The following ARHGAP6 variants were observed in gnomAD, a reference collection of about 807,000 sequenced individuals.
The protein encoded by ARHGAP6 is Rho GTPase activating protein 6.
In ARHGAP6, 16 loss-of-function variants were observed where a neutral mutation model predicts 55.7. The observed-to-expected ratio is 0.29, with a 90% CI of 0.19 to 0.44. ARHGAP6 has a LOEUF of 0.44. Ranked by LOEUF, ARHGAP6 falls within the 20% of genes least tolerant of loss-of-function variation. ARHGAP6 has a pLI of 1.00. For synonymous variants in ARHGAP6, 382 were observed against 360.9 expected (o/e 1.06, Z -0.66); for missense variants, 698 against 808.9 (o/e 0.86, Z 1.66).
chrX:11,615,255 T>C (rs2052150054), intron 1 of ARHGAP6, among the ~76,000 whole-genome samples: 1 of 111,673 alleles, frequency 9.0e-6, no homozygotes, highest in African/African-American at 3.3e-5. Flanking sequence ...AACCTTCTCT[T>C]TGCATTCTCC....
At chrX:11,185,784 A>C (rs985924556) in intron 5 of ARHGAP6, among the ~76,000 whole-genome samples, 11 of 112,309 alleles carry the variant, frequency 9.8e-5, no homozygotes, top group African/African-American at 3.6e-4. Flanking sequence ...GTTGTCAAAA[A>C]TGATGTATTT....
At chrX:11,521,506 C>T (rs146821136) in intron 1 of ARHGAP6, among the ~76,000 whole-genome samples, 1,763 of 111,600 alleles carry the variant, frequency 0.016, 33 homozygotes, top group African/African-American at 0.055. Context: ...TGTTCTGTTC[C>T]ATTGGTCTGT....
chrX:11,240,436 GA>G (rs2047259821), intron 2 of ARHGAP6, among the ~76,000 whole-genome samples: 1 of 112,252 alleles, frequency 8.9e-6, no homozygotes. Flanking sequence ...AACCTGGGAT[GA>G]ATCCCAGAGA....
rs775489487 is a variant in ARHGAP6, at chrX:11,664,464, T to C, written c.365A>G (p.Tyr122Cys). Reference protein sequence around the residue: ...KSPSGSFHFDYEVPLGRGGLK... With the variant: ...KSPSGSFHFDCEVPLGRGGLK... Reference sequence around the variant, plus strand: ...GCCGCCGCGACCCAGGGGAACCTCATAGTCAAAGTGAAAGCTGCCGGATGG... The same window carrying C: ...GCCGCCGCGACCCAGGGGAACCTCACAGTCAAAGTGAAAGCTGCCGGATGG... The change falls in exon 1 of 13, where the codon TAT (tyrosine) becomes TGT (cysteine). Residue 122 changes from tyrosine (Y) to cysteine (C), a missense_variant. Transcript: ENST00000337414. 1.7e-6 allele frequency: 2 copies of C among 1,210,820 alleles called. No individual in the cohort carries two copies. Among genetic ancestry groups the C allele is most frequent in the East Asian group, 3.0e-5 (1 of 33,806 alleles).
intron 1 of ARHGAP6, among the ~76,000 whole-genome samples, chrX:11,541,474 A>G (rs1234872702): frequency 9.0e-6 from 1 of 111,695 alleles, no homozygotes; most frequent in Non-Finnish European, 1.9e-5. Context: ...TGAGTTGTTT[A>G]CCATCCCTAG....
At chrX:11,161,161 C>T (rs1372236946) in intron 9 of ARHGAP6, among the ~76,000 whole-genome samples, 1 of 112,134 alleles carries the variant, frequency 8.9e-6, no homozygotes, top group African/African-American at 3.2e-5. Context: ...TACAACAGCA[C>T]CCAGTACTGT....
intron 1 of ARHGAP6, among the ~76,000 whole-genome samples, chrX:11,373,721 A>G (rs1439356365): frequency 8.9e-6 from 1 of 112,049 alleles, no homozygotes; most frequent in Non-Finnish European, 1.9e-5. Flanking sequence ...ACTCCTAGGC[A>G]GGGTGGGCAT....
intron 10 of ARHGAP6, among the ~76,000 whole-genome samples, chrX:11,155,893 C>A (rs1389076126): frequency 8.9e-6 from 1 of 112,538 alleles, no homozygotes; most frequent in African/African-American, 3.2e-5. Flanking sequence ...CTGACTAATG[C>A]AAAAACTCTG....
At chrX:11,275,746 C>T (rs1180087032) in intron 1 of ARHGAP6, among the ~76,000 whole-genome samples, 1 of 111,680 alleles carries the variant, frequency 9.0e-6, no homozygotes, top group African/African-American at 3.3e-5. Context: ...TCACTTACTT[C>T]ACATCCCTTA....
At chrX:11,244,515 G>A (rs190300975) in intron 2 of ARHGAP6, among the ~76,000 whole-genome samples, 229 of 111,903 alleles carry the variant, frequency 2.0e-3, no homozygotes, top group Non-Finnish European at 3.0e-3. Flanking sequence ...AATCTTGAGG[G>A]CTTGATTCCA....
chrX:11,282,564 C>T (rs1031449928), intron 1 of ARHGAP6, among the ~76,000 whole-genome samples: 1 of 112,261 alleles, frequency 8.9e-6, no homozygotes, highest in Non-Finnish European at 1.9e-5. Context: ...CAGTAAAGGT[C>T]TGGCAGATGT....
At chrX:11,505,520 A>G (rs1384358833) in intron 1 of ARHGAP6, among the ~76,000 whole-genome samples, 2 of 111,331 alleles carry the variant, frequency 1.8e-5, no homozygotes, top group Non-Finnish European at 3.8e-5. Context: ...AAACAGAACC[A>G]ACGTTCAACC....
At chrX:11,287,932 G>A (rs2047941311) in intron 1 of ARHGAP6, among the ~76,000 whole-genome samples, 1 of 112,600 alleles carries the variant, frequency 8.9e-6, no homozygotes, top group African/African-American at 3.2e-5. Context: ...CACACCAGCA[G>A]TGCTGGGTTC....
chrX:11,413,704 A>AGTCT (rs1313591571), intron 1 of ARHGAP6, among the ~76,000 whole-genome samples: 1 of 112,480 alleles, frequency 8.9e-6, no homozygotes, highest in South Asian at 3.7e-4. Flanking sequence ...TCTGAGTTTA[A>AGTCT]GTCTCCCTTT....
At chrX:11,574,832 G>A (rs757746898) in intron 1 of ARHGAP6, among the ~76,000 whole-genome samples, 2 of 110,423 alleles carry the variant, frequency 1.8e-5, no homozygotes, top group African/African-American at 6.6e-5. Context: ...AAACCCCATT[G>A]TCTCAGCCCA....
At chrX:11,640,076 C>G (rs1241693470) in intron 1 of ARHGAP6, among the ~76,000 whole-genome samples, 2 of 111,502 alleles carry the variant, frequency 1.8e-5, no homozygotes, top group Non-Finnish European at 3.8e-5. Flanking sequence ...CTCTTTTATT[C>G]AATGTGTTCT....
chrX:11,515,263 G>T (rs2050826750), intron 1 of ARHGAP6, among the ~76,000 whole-genome samples: 1 of 112,110 alleles, frequency 8.9e-6, no homozygotes, highest in Non-Finnish European at 1.9e-5. Flanking sequence ...AACTTTCTTG[G>T]AAAGTAAAAG....
At chrX:11,163,655 G>A (rs1340668731) in intron 9 of ARHGAP6, among the ~76,000 whole-genome samples, 1 of 112,620 alleles carries the variant, frequency 8.9e-6, no homozygotes, top group Non-Finnish European at 1.9e-5. Flanking sequence ...ACAAGGACAG[G>A]CCCAGCTTAG....
At chrX:11,205,399 A>G (rs1389457633) in intron 2 of ARHGAP6, among the ~76,000 whole-genome samples, 1 of 111,505 alleles carries the variant, frequency 9.0e-6, no homozygotes. Flanking sequence ...CTTGCCAAAT[A>G]TCCCAGGGAG....
Sources: gnomAD v4.1 joint callset for allele counts (sites outside exome capture counted in the v4.1 genomes callset) on GRCh38, gnomAD v4.1.1 for gene constraint, MANE v1.5 for transcripts, NCBI Gene and HGNC (gene_info 2026-07-23, HGNC 2026-07-21) for gene names.